GDAP1: variants seen among roughly 807,000 people sequenced by gnomAD.
The protein encoded by GDAP1 is ganglioside induced differentiation associated protein 1, also known as ganglioside-induced differentiation-associated protein 1.
GDAP1 carries 34 observed loss-of-function variants against 40.1 expected under a neutral mutation model. The ratio of observed to expected loss-of-function variants is 0.85; its 90% CI spans 0.64 to 1.13. GDAP1 has a LOEUF of 1.13. Ranked by LOEUF, GDAP1 falls within the 50% of genes most tolerant of loss-of-function variation. GDAP1 has a pLI of 0.00. For synonymous variants in GDAP1, 170 were observed against 157.4 expected, an observed-to-expected ratio of 1.08 and a Z score of -0.60; for missense variants, 374 against 433.7, an observed-to-expected ratio of 0.86 and a Z score of 1.22.
chr8:74,363,126 C>G, intron 5 of GDAP1, 73 bp downstream of exon 5: 5 of 779,678 alleles, frequency 6.4e-6, no homozygotes, highest in Non-Finnish European at 9.2e-6. Context: ...TAGGTCTCAC[C>G]AAAAACGTTC....
At chr8:74,417,958 A>G (rs1170377538) in intron 2 of GDAP1, among the ~76,000 whole-genome samples, 1 of 152,190 alleles carries the variant, frequency 6.6e-6, no homozygotes, top group East Asian at 1.9e-4. Flanking sequence ...GCTTTGAAAT[A>G]CATAGGCATA....
At chr8:74,450,226 A>G (rs1806280182) in intron 2 of GDAP1, among the ~76,000 whole-genome samples, 1 of 151,642 alleles carries the variant, frequency 6.6e-6, no homozygotes, top group South Asian at 2.1e-4. Flanking sequence ...ATCTTTGGGC[A>G]TTTATTAAGA....
intron 2 of GDAP1, among the ~76,000 whole-genome samples, chr8:74,408,716 A>G (rs946690893): frequency 6.7e-6 from 1 of 150,096 alleles, no homozygotes; most frequent in African/African-American, 2.5e-5. Context: ...GTGAAAGAGT[A>G]GAATGTGGCA....
intron 5 of GDAP1, 62 bp downstream of exon 5, chr8:74,363,115 T>C: frequency 1.2e-6 from 1 of 833,536 alleles, no homozygotes; most frequent in Non-Finnish European, 2.1e-6. Flanking sequence ...GGGAACATTC[T>C]TAGGTCTCAC....
At chr8:74,485,311 C>T (rs560514885) in intron 2 of GDAP1, among the ~76,000 whole-genome samples, 1 of 152,166 alleles carries the variant, frequency 6.6e-6, no homozygotes, top group South Asian at 2.1e-4. Context: ...AATTGTTGAC[C>T]TAGGTTCTAT....
chr8:74,383,628 T>C (rs1183750266), intron 2 of GDAP1, among the ~76,000 whole-genome samples: 1 of 152,208 alleles, frequency 6.6e-6, no homozygotes, highest in East Asian at 1.9e-4. Context: ...AAATCTTTCT[T>C]TTCATCTTCC....
Position 74,453,741 on chromosome 8 carries a change from T to G in GDAP1, c.166-34937T>G, listed in dbSNP as rs1806308164. On this transcript the variant is annotated intron_variant, in intron 2 of 2. Transcript: ENST00000523640. ...GCCAATTCTTCTCTTTATCTCTCAG[T>G]TACCCATCTATAGAATGAAAGTATT... 3.6e-5 allele frequency among the ~76,000 whole-genome samples: 3 copies of G among 83,516 alleles called. 1 individual carries two copies. Among genetic ancestry groups the G allele is most frequent in the East Asian group, 6.9e-4 (2 of 2,894 alleles). The allele number at this position is 83,516 out of a possible 152,430, so 54.8% of individuals were successfully genotyped here. A position where few individuals can be genotyped will look rare whatever the true frequency, so the allele number is the denominator to read the frequency against.
At chr8:74,462,586 A>G (rs983212052) in intron 2 of GDAP1, among the ~76,000 whole-genome samples, 3 of 152,236 alleles carry the variant, frequency 2.0e-5, no homozygotes, top group African/African-American at 7.2e-5. Flanking sequence ...TACCTACCAA[A>G]TAGACATTAA....
At chr8:74,385,653 CT>C (rs1457028018) in intron 2 of GDAP1, among the ~76,000 whole-genome samples, 1 of 152,120 alleles carries the variant, frequency 6.6e-6, no homozygotes, top group African/African-American at 2.4e-5. Context: ...GTGCATGTGT[CT>C]TTATAGTAGA....
At chr8:74,411,759 G>A (rs192593590) in intron 2 of GDAP1, among the ~76,000 whole-genome samples, 4 of 148,632 alleles carry the variant, frequency 2.7e-5, no homozygotes, top group East Asian at 3.9e-4. Context: ...GCTTATGCCT[G>A]TAGTCCTAGC....
chr8:74,418,543 A>G (rs886365469), intron 2 of GDAP1, among the ~76,000 whole-genome samples: 11 of 152,234 alleles, frequency 7.2e-5, no homozygotes, highest in South Asian at 2.1e-4. Context: ...TACTTCACAT[A>G]TATAGATGAA....
At chr8:74,363,209 A>G (rs1219710348) in intron 5 of GDAP1, among the ~76,000 whole-genome samples, 156 bp downstream of exon 5, 1 of 152,206 alleles carries the variant, frequency 6.6e-6, no homozygotes, top group Non-Finnish European at 1.5e-5. Flanking sequence ...TTGCACCCAG[A>G]AAAACCCAGG....
intron 2 of GDAP1, among the ~76,000 whole-genome samples, chr8:74,478,940 C>T (rs1163655325): frequency 1.3e-5 from 2 of 152,168 alleles, no homozygotes; most frequent in African/African-American, 4.8e-5. Context: ...ACAGGGTTCC[C>T]AGCTTCCTCC....
At chr8:74,415,219 C>T (rs1279506034) in intron 2 of GDAP1, among the ~76,000 whole-genome samples, 1 of 150,110 alleles carries the variant, frequency 6.7e-6, no homozygotes, top group Non-Finnish European at 1.5e-5. Flanking sequence ...TATAGAACAG[C>T]AATAATGTAT....
rs774869656 is a variant in GDAP1 at position 74,365,356 on chromosome 8, A to T, written c.*989A>T. ...AGTTAATCTAGGGAAGATGAATTAAATGGGTAGATAGTGATGCATACCTGT... is the reference window on the plus strand; with the variant it reads ...AGTTAATCTAGGGAAGATGAATTAATTGGGTAGATAGTGATGCATACCTGT... On this transcript the variant is annotated 3_prime_UTR_variant, in exon 6 of 6. Transcript: ENST00000220822. 4.4e-6 allele frequency: 2 copies of T among 454,012 alleles called. No individual in the cohort carries two copies. Among genetic ancestry groups the T allele is most frequent in the South Asian group, 3.1e-5 (2 of 64,472 alleles). 28.1% of individuals were successfully genotyped at this position (454,012 alleles called of 1,614,324 possible). A position where few individuals can be genotyped will look rare whatever the true frequency, so the allele number is the denominator to read the frequency against.
At chr8:74,369,467 G>GA (rs777414073), downstream of GDAP1, among the ~76,000 whole-genome samples, 187 of 152,238 alleles carry the variant, frequency 1.2e-3, 1 homozygote, top group Admixed American at 6.3e-3. Context: ...TTACATAAGT[G>GA]AAAAATTCAT....
intron 2 of GDAP1, among the ~76,000 whole-genome samples, chr8:74,395,905 G>A (rs1810190487): frequency 1.3e-5 from 2 of 152,220 alleles, no homozygotes; most frequent in Admixed American, 1.3e-4. Flanking sequence ...AAGTCAAGAT[G>A]TAAGGCAGGG....
chr8:74,362,038 T>TACAA, intron 4 of GDAP1, 60 bp downstream of exon 4: 1 of 869,948 alleles, frequency 1.1e-6, no homozygotes, highest in Non-Finnish European at 2.0e-6. Context: ...TTCTACTTTT[T>TACAA]GTAAAGTACC....
intron 2 of GDAP1, among the ~76,000 whole-genome samples, chr8:74,372,416 C>A (rs1809770071): frequency 1.3e-5 from 2 of 152,180 alleles, no homozygotes; most frequent in Admixed American, 1.3e-4. Context: ...GTCTCCACAT[C>A]CTCTCCAGCA....
Sources: gnomAD v4.1 joint callset for allele counts (sites outside exome capture counted in the v4.1 genomes callset) on GRCh38, gnomAD v4.1.1 for gene constraint, MANE v1.5 for transcripts, NCBI Gene and HGNC (gene_info 2026-07-23, HGNC 2026-07-21) for gene names.